Variants in ZDHHC2 observed in about 807,000 individuals in gnomAD.
ZDHHC2 encodes palmitoyltransferase ZDHHC2.
In ZDHHC2, 51 loss-of-function variants were observed where a neutral mutation model predicts 55.6. That is an observed-to-expected ratio of 0.92 (90% CI 0.73 to 1.16). The LOEUF (loss-of-function observed/expected upper bound fraction) is 1.16, where lower values mean the gene tolerates loss of function less well. ZDHHC2 is among the 50% of genes most tolerant of loss of function. The pLI, the probability that ZDHHC2 is intolerant of heterozygous loss-of-function variation, is 0.00. For synonymous variants in ZDHHC2, 199 were observed against 152.9 expected (o/e 1.30, Z -2.22); for missense variants, 491 against 442.4 (o/e 1.11, Z -0.99).
intron 1 of ZDHHC2, among the ~76,000 whole-genome samples, chr8:17,176,562 G>A (rs1057108433): frequency 2.0e-5 from 3 of 151,906 alleles, no homozygotes; most frequent in East Asian, 1.9e-4. Flanking sequence ...AAATTAAAGC[G>A]CCGCTCAGCT....
intron 1 of ZDHHC2, among the ~76,000 whole-genome samples, chr8:17,178,492 TA>T (rs1274713716): frequency 6.6e-6 from 1 of 152,186 alleles, no homozygotes; most frequent in Non-Finnish European, 1.5e-5. Context: ...GGCTAAACAG[TA>T]AATATTTTAG....
rs192730983 is a variant in ZDHHC2, at chr8:17,224,113, C to T, written c.*3892C>T. On this transcript the variant is annotated 3_prime_UTR_variant, in exon 13 of 13. Transcript: ENST00000262096. The stretch of plus-strand genomic sequence containing the variant: ...GATGCAGTCCAGGTATCTAATAGCT[C>T]AATCACCAACACCGCTGAGAATTGT... 33 of 151,688 alleles carry T rather than the reference C, an allele frequency of 2.2e-4. No homozygotes were observed. The highest frequency in any genetic ancestry group is 8.0e-4 in the African/African-American group (33 of 41,482). The allele number at this position is 151,688 out of a possible 1,614,324, so 9.4% of individuals were successfully genotyped here.
intron 1 of ZDHHC2, among the ~76,000 whole-genome samples, chr8:17,158,594 A>G (rs574006821): frequency 3.7e-4 from 57 of 152,340 alleles, no homozygotes; most frequent in African/African-American, 1.3e-3. Flanking sequence ...ACTAAATGGA[A>G]AATTGGTATT....
intron 1 of ZDHHC2, among the ~76,000 whole-genome samples, chr8:17,164,434 C>T (rs1219946836): frequency 2.0e-5 from 3 of 151,984 alleles, no homozygotes; most frequent in Non-Finnish European, 4.4e-5. Flanking sequence ...ATTTCTTTGC[C>T]AGTATTTCTT....
chr8:17,204,755 C>T (rs1198324175), intron 6 of ZDHHC2, among the ~76,000 whole-genome samples: 2 of 152,008 alleles, frequency 1.3e-5, no homozygotes, highest in Non-Finnish European at 1.5e-5. Context: ...CAACAGACCC[C>T]CACAACTCAC....
intron 6 of ZDHHC2, among the ~76,000 whole-genome samples, chr8:17,203,334 G>T (rs1417715374): frequency 6.6e-6 from 1 of 151,848 alleles, no homozygotes; most frequent in Non-Finnish European, 1.5e-5. Context: ...GGGTTCAAGT[G>T]CTTCTCCTGC....
At chr8:17,190,880 A>T (rs1226805325) in intron 3 of ZDHHC2, among the ~76,000 whole-genome samples, 1 of 151,172 alleles carries the variant, frequency 6.6e-6, no homozygotes, top group Non-Finnish European at 1.5e-5. Context: ...TAGTTATTTT[A>T]AAATGTACAA....
In ZDHHC2 at chr8:17,223,611, A is replaced by G. The variant is rs1215105347; in HGVS notation, c.*3390A>G. 6.6e-6 allele frequency: 1 copy of G among 151,756 alleles called. No homozygotes were observed. The highest frequency in any genetic ancestry group is 1.5e-5 in the Non-Finnish European group (1 of 67,750). The allele number at this position is 151,756 out of a possible 1,614,324, so 9.4% of individuals were successfully genotyped here. A position where few individuals can be genotyped will look rare whatever the true frequency, so the allele number is the denominator to read the frequency against. On this transcript the variant is annotated 3_prime_UTR_variant, in exon 13 of 13. Coordinates refer to ENST00000262096, the MANE Select transcript of ZDHHC2 (RefSeq NM_016353.5). ...ACTCTTTTACAAAGATACCATTAGA[A>G]TTTTCTCACTGTCTTGGTAAAAATT...
chr8:17,170,604 C>G (rs529400721), intron 1 of ZDHHC2, among the ~76,000 whole-genome samples: 1 of 152,146 alleles, frequency 6.6e-6, no homozygotes, highest in Non-Finnish European at 1.5e-5. Flanking sequence ...AGAACGTTGC[C>G]TGTTTCCTTG....
At chr8:17,215,158 C>T in intron 10 of ZDHHC2, 79 bp from the exon 11 acceptor site, 2 of 1,323,050 alleles carry the variant, frequency 1.5e-6, no homozygotes, top group Non-Finnish European at 2.1e-6. Flanking sequence ...GGTTTTGGTT[C>T]CATACATTGA....
At chr8:17,196,135 A>T (rs982785337) in intron 4 of ZDHHC2, among the ~76,000 whole-genome samples, 3 of 152,104 alleles carry the variant, frequency 2.0e-5, no homozygotes, top group Non-Finnish European at 4.4e-5. Flanking sequence ...CAAATCTCTT[A>T]CTTGGGACAT....
At chr8:17,202,558 G>A (rs1006750591) in intron 6 of ZDHHC2, among the ~76,000 whole-genome samples, 1 of 152,102 alleles carries the variant, frequency 6.6e-6, no homozygotes, top group African/African-American at 2.4e-5. Flanking sequence ...TTCTCCATAT[G>A]AAATCATTCC....
chr8:17,183,049 A>C (rs1341202447), intron 1 of ZDHHC2, among the ~76,000 whole-genome samples: 6 of 152,326 alleles, frequency 3.9e-5, no homozygotes, highest in Non-Finnish European at 4.4e-5. Flanking sequence ...GGTGTGAGCC[A>C]CCGTGCCCAG....
intron 6 of ZDHHC2, among the ~76,000 whole-genome samples, chr8:17,203,775 A>G (rs557946212): frequency 2.6e-5 from 4 of 151,730 alleles, no homozygotes; most frequent in Non-Finnish European, 5.9e-5. Context: ...GTTTCCATAC[A>G]ATGTGCACGC....
At chr8:17,219,816 A>C (rs143203992) in intron 12 of ZDHHC2, among the ~76,000 whole-genome samples, 1 of 152,158 alleles carries the variant, frequency 6.6e-6, no homozygotes, top group Non-Finnish European at 1.5e-5. Flanking sequence ...CTGTGCTTCT[A>C]TGCACATGAA....
intron 8 of ZDHHC2, among the ~76,000 whole-genome samples, chr8:17,208,494 G>C (rs1807215138): frequency 6.6e-6 from 1 of 151,946 alleles, no homozygotes; most frequent in Non-Finnish European, 1.5e-5. Context: ...AGGTAAGCAA[G>C]GACTAAGCTA....
intron 1 of ZDHHC2, among the ~76,000 whole-genome samples, chr8:17,178,486 A>C (rs1031218264): frequency 3.3e-5 from 5 of 152,192 alleles, no homozygotes; most frequent in African/African-American, 1.2e-4. Context: ...ATAAAAGGCT[A>C]AACAGTAAAT....
rs199521074 is a variant in ZDHHC2 at position 17,210,403 on chromosome 8, C to T, written c.873C>T (p.Cys291=). 1 of 1,613,186 alleles carries T rather than the reference C, an allele frequency of 6.2e-7. No individual in the cohort carries two copies. The highest frequency in any genetic ancestry group is 1.3e-5 in the African/African-American group (1 of 74,872). The change falls in exon 10 of 13, where the codon TGC becomes TGT. Residue 291 remains cysteine (C), a synonymous_variant. Transcript: ENST00000262096. The part of the protein sequence containing the change: ...LPIFSSLGDG[C]SFPTCLVNQD... ...TTAATTCTAGTCTAGGTGATGGCTG[C>T]TCCTTTCCAACTTGCCTTGTTAACC...
At chr8:17,217,054 T>C (rs1169810735) in intron 11 of ZDHHC2, 118 bp from the exon 12 acceptor site, 1 of 888,038 alleles carries the variant, frequency 1.1e-6, no homozygotes, top group South Asian at 1.5e-5. Context: ...ATACCCTTAT[T>C]ATGTACAAGG....
Sources: allele counts gnomAD v4.1 joint callset (sites outside exome capture counted in the v4.1 genomes callset), GRCh38; gene constraint gnomAD v4.1.1; transcripts MANE v1.5; gene names NCBI Gene and HGNC (gene_info 2026-07-23, HGNC 2026-07-21).